AGBL4: variants seen among roughly 807,000 people sequenced by gnomAD.
AGBL4 encodes cytosolic carboxypeptidase 6.
Under a neutral mutation model 66.4 loss-of-function variants are expected in AGBL4, and 58 were observed. That is an observed-to-expected ratio of 0.87 (90% CI 0.71 to 1.09). The LOEUF is 1.09. Among genes scored for constraint, AGBL4 ranks in the 50% least tolerant of loss-of-function variants. AGBL4 has a pLI of 0.00. For missense variants in AGBL4, 579 were observed against 631.0 expected (o/e 0.92, Z 0.88); for synonymous variants, 234 against 222.9 (o/e 1.05, Z -0.44).
At chr1:49,721,153 T>A (rs569606594) in intron 2 of AGBL4, among the ~76,000 whole-genome samples, 63 of 152,092 alleles carry the variant, frequency 4.1e-4, no homozygotes, top group African/African-American at 1.5e-3. Context: ...ATCCTCAAAG[T>A]AGCCAATGGC....
chr1:49,009,255 C>T (rs1396813682), intron 5 of AGBL4, among the ~76,000 whole-genome samples: 29 of 151,912 alleles, frequency 1.9e-4, no homozygotes, highest in African/African-American at 2.4e-4. Context: ...AACACCTCTA[C>T]GCAAATAAAC....
chr1:48,531,750 CTCT>C (rs1643907664), downstream of AGBL4, among the ~76,000 whole-genome samples: 1 of 131,538 alleles, frequency 7.6e-6, no homozygotes, highest in Non-Finnish European at 1.6e-5. Flanking sequence ...TTCCCACTCC[CTCT>C]TATTATGTAT....
At chr1:49,512,119 A>G (rs1649325376) in intron 3 of AGBL4, among the ~76,000 whole-genome samples, 1 of 152,016 alleles carries the variant, frequency 6.6e-6, no homozygotes, top group African/African-American at 2.4e-5. Flanking sequence ...ACGTAAGAAA[A>G]AAGGTAAAGC....
At chr1:49,331,939 G>T (rs923722306) in intron 3 of AGBL4, among the ~76,000 whole-genome samples, 1 of 152,214 alleles carries the variant, frequency 6.6e-6, no homozygotes, top group Non-Finnish European at 1.5e-5. Flanking sequence ...CCGGCGGGGA[G>T]GAGGAGGCCA....
chr1:49,715,806 T>A (rs1481123254), intron 2 of AGBL4, among the ~76,000 whole-genome samples: 1 of 152,200 alleles, frequency 6.6e-6, no homozygotes, highest in Non-Finnish European at 1.5e-5. Context: ...TGAAGTTGTT[T>A]GTTTTTTCTC....
chr1:49,293,660 C>A (rs1644587305), intron 3 of AGBL4, among the ~76,000 whole-genome samples: 1 of 152,042 alleles, frequency 6.6e-6, no homozygotes, highest in Non-Finnish European at 1.5e-5. Context: ...CTTTTACTGG[C>A]TGATTAGAAA....
chr1:48,663,724 A>C (rs1463980962), intron 6 of AGBL4, among the ~76,000 whole-genome samples: 1 of 152,224 alleles, frequency 6.6e-6, no homozygotes. Context: ...TAGAGAAGGT[A>C]GCTATTTATA....
chr1:49,223,765 G>A (rs536639280), intron 4 of AGBL4, among the ~76,000 whole-genome samples: 4 of 152,236 alleles, frequency 2.6e-5, no homozygotes, highest in South Asian at 2.1e-4. Context: ...ATTAGGTCAC[G>A]AATACTTCTT....
chr1:48,925,307 C>CATAT (rs1654446330), intron 5 of AGBL4, among the ~76,000 whole-genome samples: 1 of 152,058 alleles, frequency 6.6e-6, no homozygotes, highest in Non-Finnish European at 1.5e-5. Context: ...ATAACCCATG[C>CATAT]ATATACTCCT....
At chr1:49,940,977 G>A (rs1654699581) in intron 1 of AGBL4, among the ~76,000 whole-genome samples, 1 of 151,956 alleles carries the variant, frequency 6.6e-6, no homozygotes, top group African/African-American at 2.4e-5. Flanking sequence ...ATAAATGAAA[G>A]AGCAGACATT....
chr1:49,005,381 G>A (rs1373678314), intron 5 of AGBL4, among the ~76,000 whole-genome samples: 1 of 152,152 alleles, frequency 6.6e-6, no homozygotes, highest in Non-Finnish European at 1.5e-5. Context: ...ATAACATGGT[G>A]AAATCTCACA....
chr1:49,817,805 G>A (rs1645268909), intron 2 of AGBL4, among the ~76,000 whole-genome samples: 1 of 152,146 alleles, frequency 6.6e-6, no homozygotes, highest in Non-Finnish European at 1.5e-5. Flanking sequence ...TGGCATTAGA[G>A]TAGTAACATC....
rs1647147531 is a variant in AGBL4 at position 48,721,410 on chromosome 1, AT to A, written c.635-58170del. ...AATCAATGGCAGGGAACCAAGGACAATGATGCAGGGAATGCCACCTTGACAT... is the reference window on the plus strand; with the variant it reads ...AATCAATGGCAGGGAACCAAGGACAAGATGCAGGGAATGCCACCTTGACAT... On this transcript the variant is annotated intron_variant, in intron 6 of 13. Transcript: ENST00000371839. Among the ~76,000 whole-genome samples, 3 of 152,216 alleles carry A rather than the reference AT, an allele frequency of 2.0e-5. No homozygotes were observed. The East Asian group carries it at 5.8e-4, about 29-fold the overall frequency.
At chr1:49,900,577 T>A (rs1649669417) in intron 1 of AGBL4, among the ~76,000 whole-genome samples, 1 of 152,110 alleles carries the variant, frequency 6.6e-6, no homozygotes, top group South Asian at 2.1e-4. Flanking sequence ...AGAAATAAGG[T>A]GGCAAAGTTC....
At chr1:49,881,607 C>A (rs560261531) in intron 1 of AGBL4, among the ~76,000 whole-genome samples, 1 of 145,586 alleles carries the variant, frequency 6.9e-6, no homozygotes, top group Non-Finnish European at 1.5e-5. Context: ...TATCTCATTG[C>A]GGTTTTGATT....
At chr1:48,672,589 C>G (rs1446077352) in intron 6 of AGBL4, among the ~76,000 whole-genome samples, 2 of 152,164 alleles carry the variant, frequency 1.3e-5, no homozygotes, top group African/African-American at 4.8e-5. Context: ...TGGAGGTGTT[C>G]AGAAAAGATC....
chr1:48,806,863 G>T (rs754864438), intron 6 of AGBL4, among the ~76,000 whole-genome samples: 9 of 152,184 alleles, frequency 5.9e-5, no homozygotes, highest in African/African-American at 2.4e-5. Flanking sequence ...GATGAACAGC[G>T]AGGGTTACCA....
intron 1 of AGBL4, among the ~76,000 whole-genome samples, chr1:49,931,974 A>G (rs1327792776): frequency 6.6e-6 from 1 of 152,204 alleles, no homozygotes; most frequent in East Asian, 1.9e-4. Context: ...GAACACCGAC[A>G]TGAAACTCAA....
intron 2 of AGBL4, among the ~76,000 whole-genome samples, chr1:49,747,124 T>C (rs901535615): frequency 6.6e-6 from 1 of 152,178 alleles, no homozygotes; most frequent in Non-Finnish European, 1.5e-5. Flanking sequence ...CTTGACAGAA[T>C]TATTCAAGGC....
Sources: allele counts gnomAD v4.1 joint callset (sites outside exome capture counted in the v4.1 genomes callset), GRCh38; gene constraint gnomAD v4.1.1; transcripts MANE v1.5; gene names NCBI Gene and HGNC (gene_info 2026-07-23, HGNC 2026-07-21).